The following FAM219A variants were observed in gnomAD, a reference collection of about 807,000 sequenced individuals.
The protein encoded by FAM219A is protein FAM219A.
Under a neutral mutation model 23.4 loss-of-function variants are expected in FAM219A, and 7 were observed. The observed-to-expected ratio is 0.30, with a 90% CI of 0.17 to 0.56. FAM219A has a LOEUF of 0.56. FAM219A is among the 20% of genes least tolerant of loss of function. The pLI is 0.92. For synonymous variants in FAM219A, 93 were observed against 99.0 expected (o/e 0.94, Z 0.36); for missense variants, 166 against 246.9 (o/e 0.67, Z 2.20).
chr9:34,450,289 G>A (rs1287060326), intron 1 of FAM219A, among the ~76,000 whole-genome samples: 3 of 148,252 alleles, frequency 2.0e-5, no homozygotes, highest in East Asian at 4.0e-4. Context: ...CTCCAGCCTC[G>A]GTGACAGAGA....
Position 34,417,778 on chromosome 9 carries a change from ATCT to A in FAM219A, c.61-11817_61-11815del, listed in dbSNP as rs935819658. ...TCATTTACCTGGTTCCCTCTGGGAAATCTTCTTTCATAGAACAGAATTTCCTCT... is the reference window on the plus strand; with the variant it reads ...TCATTTACCTGGTTCCCTCTGGGAAATCTTTCATAGAACAGAATTTCCTCT... On this transcript the variant is annotated intron_variant, in intron 1 of 5. Transcript: ENST00000651358. This position sits in a 1 kb window ranked among gnomAD's most constrained non-coding sequence, Gnocchi z 4.1. 1.7e-4 allele frequency among the ~76,000 whole-genome samples: 26 copies of A among 152,320 alleles called. No homozygotes were observed. Among genetic ancestry groups the A allele is most frequent in the South Asian group, 6.2e-4 (3 of 4,822 alleles).
intron 4 of FAM219A, 84 bp downstream of exon 4, chr9:34,402,303 T>A: frequency 6.2e-7 from 1 of 1,614,004 alleles, no homozygotes; most frequent in Non-Finnish European, 8.5e-7. Context: ...ATTCTGACAA[T>A]ATAGCAGGTG....
chr9:34,447,038 T>C (rs149431562), intron 1 of FAM219A, among the ~76,000 whole-genome samples: 41 of 152,372 alleles, frequency 2.7e-4, no homozygotes, highest in African/African-American at 9.4e-4. Context: ...CCTTCTCCAA[T>C]CACACAGCCT....
rs115480064 is a variant in FAM219A at position 34,406,551 on chromosome 9, G to T, written c.61-587C>A. ...CTCCAGTTCACAAATGACACCTAAA[G>T]AGTGTCTCCGGGGAGAACCTGAAAA... On this transcript the variant is annotated intron_variant, in intron 1 of 5. Coordinates refer to ENST00000651358, the MANE Select transcript of FAM219A (RefSeq NM_001184940.2). 3.2e-6 allele frequency: 3 copies of T among 925,092 alleles called. No homozygotes were observed. The African/African-American group carries it at 5.3e-5, about 16-fold the overall frequency. 57.3% of individuals were successfully genotyped at this position (925,092 alleles called of 1,614,324 possible). A position where few individuals can be genotyped will look rare whatever the true frequency, so the allele number is the denominator to read the frequency against.
In FAM219A at chr9:34,458,280, C is replaced by T. The variant is rs755590079; in HGVS notation, c.-17G>A. The T allele has an allele frequency of 2.6e-6, 4 of 1,522,722 alleles. No homozygotes were observed. Among genetic ancestry groups the T allele is most frequent in the Admixed American group, 2.0e-5 (1 of 50,886 alleles). The allele number at this position is 1,522,722 out of a possible 1,614,324, so 94.3% of individuals were successfully genotyped here. ...CTCCATCATGGTGCCGGCGGGCGAG[C>T]GGGCCAGGGGCCGGGCGCGGCCGCG... On this transcript the variant is annotated 5_prime_UTR_variant, in exon 1 of 6. Transcript: ENST00000651358. This position sits in a 1 kb window ranked among gnomAD's most constrained non-coding sequence, Gnocchi z 6.6.
At chr9:34,410,998 A>G (rs1196080182) in intron 1 of FAM219A, among the ~76,000 whole-genome samples, 1 of 152,198 alleles carries the variant, frequency 6.6e-6, no homozygotes, top group Non-Finnish European at 1.5e-5. Flanking sequence ...AACTGTAAAG[A>G]TATCATTAGT....
intron 4 of FAM219A, 142 bp from the exon 5 acceptor site, chr9:34,401,862 G>T: frequency 2.1e-6 from 2 of 934,066 alleles, no homozygotes; most frequent in Non-Finnish European, 3.3e-6. Context: ...TGTGCTTGCT[G>T]TGCAAATGCA....
At chr9:34,412,616 C>A (rs200631676) in intron 1 of FAM219A, among the ~76,000 whole-genome samples, 22 of 118,246 alleles carry the variant, frequency 1.9e-4, no homozygotes, top group South Asian at 8.2e-4. Context: ...AAAAAAAAAA[C>A]CAAGGGTGAA....
chr9:34,414,011 G>C (rs566703627), intron 1 of FAM219A, among the ~76,000 whole-genome samples: 1 of 152,336 alleles, frequency 6.6e-6, no homozygotes, highest in South Asian at 2.1e-4. Flanking sequence ...TCTCATGGCA[G>C]TGTGTAGAAA....
chr9:34,454,876 G>A (rs1367145735), intron 1 of FAM219A, among the ~76,000 whole-genome samples: 1 of 152,196 alleles, frequency 6.6e-6, no homozygotes, highest in East Asian at 1.9e-4. Context: ...CCATCACTAT[G>A]GGATGGGGAG....
intron 1 of FAM219A, among the ~76,000 whole-genome samples, chr9:34,413,919 C>T (rs7032433): frequency 1.3e-5 from 2 of 152,114 alleles, no homozygotes; most frequent in South Asian, 2.1e-4. Context: ...CAGCTCTGTT[C>T]CTTATCACAA....
chr9:34,436,073 G>A (rs1822903694), intron 1 of FAM219A, among the ~76,000 whole-genome samples: 1 of 152,052 alleles, frequency 6.6e-6, no homozygotes, highest in Non-Finnish European at 1.5e-5. Context: ...CCAATGTGCT[G>A]GGATTACAGG....
chr9:34,398,245 G>C lies in FAM219A; in HGVS notation c.*2719C>G. ...TACACGATACACAACCAAGGATGAT[G>C]GTCAATACTGCAATGAAAATGTTAA... On this transcript the variant is annotated 3_prime_UTR_variant, in exon 6 of 6. Transcript: ENST00000651358. 1 of 1,544,918 alleles carries C rather than the reference G, an allele frequency of 6.5e-7. No homozygotes were observed.
rs571899733 is a variant in FAM219A at position 34,424,288 on chromosome 9, G to A, written c.61-18324C>T. On this transcript the variant is annotated intron_variant, in intron 1 of 5. Coordinates refer to ENST00000651358, the MANE Select transcript of FAM219A (RefSeq NM_001184940.2). ...GGAGGACTCAAGATGCTGTTCTCAG[G>A]CTTGCTGATATTTCAGCAAAAACTT... Among the ~76,000 whole-genome samples, 5 of 152,226 alleles carry A rather than the reference G, an allele frequency of 3.3e-5. No individual in the cohort carries two copies. In the East Asian group the frequency reaches 9.7e-4, roughly 29 times the overall value.
rs1453103505 is a variant in FAM219A, at chr9:34,400,134, G to A, written c.*830C>T. 6.7e-6 allele frequency: 1 copy of A among 149,974 alleles called. No homozygotes were observed. Among genetic ancestry groups the A allele is most frequent in the African/African-American group, 2.4e-5 (1 of 41,010 alleles). 9.3% of individuals were successfully genotyped at this position (149,974 alleles called of 1,614,324 possible). A position where few individuals can be genotyped will look rare whatever the true frequency, so the allele number is the denominator to read the frequency against. On this transcript the variant is annotated 3_prime_UTR_variant, in exon 6 of 6. Coordinates refer to ENST00000651358, the MANE Select transcript of FAM219A (RefSeq NM_001184940.2). ...CTGGGGTGAGGGGAATGGGCCATTG[G>A]AGTCCAGCCTTACTCCCTGCTTCCA...
At chr9:34,439,514 T>C (rs1293081833) in intron 1 of FAM219A, among the ~76,000 whole-genome samples, 1 of 152,118 alleles carries the variant, frequency 6.6e-6, no homozygotes, top group Non-Finnish European at 1.5e-5. Flanking sequence ...TACGTAAAAT[T>C]ATAAATGTGA....
chr9:34,412,771 A>C (rs1489227625), intron 1 of FAM219A, among the ~76,000 whole-genome samples: 1 of 152,228 alleles, frequency 6.6e-6, no homozygotes, highest in Admixed American at 6.5e-5. Context: ...AGGTGGGTCC[A>C]TAAGATAAAG....
At chr9:34,430,266 T>C (rs942321260) in intron 1 of FAM219A, among the ~76,000 whole-genome samples, 2 of 152,088 alleles carry the variant, frequency 1.3e-5, no homozygotes, top group Non-Finnish European at 2.9e-5. Flanking sequence ...CAGTGGCTCA[T>C]CCCTGTAATC....
At chr9:34,419,019 G>A (rs1314869772) in intron 1 of FAM219A, among the ~76,000 whole-genome samples, 1 of 152,106 alleles carries the variant, frequency 6.6e-6, no homozygotes, top group Non-Finnish European at 1.5e-5. Flanking sequence ...AGGTTGCAGT[G>A]AGCCAAGATT....
Sources: gnomAD v4.1 joint callset for allele counts (sites outside exome capture counted in the v4.1 genomes callset) on GRCh38, gnomAD v4.1.1 for gene constraint, Gnocchi (gnomAD v3.1) non-coding constraint, MANE v1.5 for transcripts, NCBI Gene and HGNC (gene_info 2026-07-23, HGNC 2026-07-21) for gene names.